ERMARD: variants seen among roughly 807,000 people sequenced by gnomAD.
ERMARD encodes the protein endoplasmic reticulum membrane-associated RNA degradation protein.
A neutral mutation model predicts 83.9 loss-of-function variants in ERMARD; 71 were observed. The ratio of observed to expected loss-of-function variants is 0.85; its 90% confidence interval spans 0.70 to 1.03. The LOEUF is 1.03. Ranked by LOEUF, ERMARD falls within the 50% of genes least tolerant of loss-of-function variation. The probability of loss-of-function intolerance (pLI) is 0.00; values close to 1 mark genes in which losing one functional copy is unlikely to be tolerated. For missense variants in ERMARD, 838 were observed against 810.9 expected (o/e 1.03, Z -0.41); for synonymous variants, 284 against 298.6 (o/e 0.95, Z 0.50).
intron 5 of ERMARD, among the ~76,000 whole-genome samples, 173 bp downstream of exon 5, chr6:169,756,981 G>A (rs1790895780): frequency 6.6e-6 from 1 of 152,196 alleles, no homozygotes; most frequent in Non-Finnish European, 1.5e-5. Context: ...CAGGGCGGCA[G>A]CAAGGGAAAA....
At position 169,769,651 on chromosome 6, in the gene ERMARD, C is replaced by G; in HGVS notation, c.1171C>G (p.Leu391Val). 1 of 1,612,768 alleles carries G rather than the reference C, an allele frequency of 6.2e-7. No homozygotes were observed. The highest frequency in any genetic ancestry group is 8.5e-7 in the Non-Finnish European group (1 of 1,179,428). The change falls in exon 12 of 18, where the codon CTT becomes GTT. Residue 391 changes from leucine to valine, a missense_variant. Coordinates refer to ENST00000366773, the MANE Select transcript of ERMARD (RefSeq NM_018341.3). ...EFSKETTNQL[L>V]AFSLVLLLRF... ...TTCAAAAGAAACAACTAATCAGTTG[C>G]TTGCATTTTCTCTTGTACTGCTACT...
intron 13 of ERMARD, among the ~76,000 whole-genome samples, chr6:169,774,391 C>G (rs148523287): frequency 2.6e-5 from 4 of 152,132 alleles, no homozygotes; most frequent in Admixed American, 6.5e-5. Flanking sequence ...GTGGGGATGC[C>G]GTGCTTTCCA....
In ERMARD at chr6:169,760,709, C is replaced by G; in HGVS notation, c.810C>G (p.Ile270Met). Reference protein sequence around the residue: ...VMMKSAFILKIMLPYWEVALV... With the variant: ...VMMKSAFILKMMLPYWEVALV... ...TGAAATCTGCTTTTATATTAAAAAT[C>G]ATGTTACCATATTGGGAAGTTGCAC... Residue 270 changes from isoleucine (I) to methionine (M), a missense_variant, in exon 8 of 18, where the codon ATC becomes ATG. Ile to Met is a conservative substitution (Grantham distance 10). Coordinates refer to ENST00000366773, the MANE Select transcript of ERMARD (RefSeq NM_018341.3). 6.2e-7 allele frequency: 1 copy of G among 1,613,848 alleles called. No homozygotes were observed. Among genetic ancestry groups the G allele is most frequent in the Middle Eastern group, 1.7e-4 (1 of 6,058 alleles).
intron 1 of ERMARD, chr6:169,751,935 A>C (rs1790160028): frequency 2.1e-6 from 1 of 482,254 alleles, no homozygotes; most frequent in African/African-American, 2.1e-5. Context: ...AACGCGGCGG[A>C]CGGTCAGGGA....
At chr6:169,751,983 G>T (rs1232758694) in intron 1 of ERMARD, 2 of 417,236 alleles carry the variant, frequency 4.8e-6, no homozygotes, top group Middle Eastern at 6.1e-4. Flanking sequence ...AAAGCCGCAG[G>T]TCGGGCTCTC....
intron 7 of ERMARD, 118 bp from the exon 8 acceptor site, chr6:169,760,524 G>C: frequency 1.5e-6 from 1 of 685,182 alleles, no homozygotes; most frequent in African/African-American, 1.8e-5. Flanking sequence ...CCCTGCTGCA[G>C]GGGTCACGGT....
At chr6:169,751,974 A>G (rs2128338616) in intron 1 of ERMARD, 2 of 424,078 alleles carry the variant, frequency 4.7e-6, no homozygotes, top group East Asian at 8.1e-5. Flanking sequence ...CGGGGGCGGA[A>G]AGCCGCAGGT....
chr6:169,766,232 C>A (rs1240125567), intron 9 of ERMARD, among the ~76,000 whole-genome samples: 1 of 152,186 alleles, frequency 6.6e-6, no homozygotes, highest in African/African-American at 2.4e-5. Context: ...TGAGAAGCAG[C>A]GTGCATGAAA....
chr6:169,780,922 G>A (rs1051779394), intron 17 of ERMARD, among the ~76,000 whole-genome samples: 6 of 152,092 alleles, frequency 3.9e-5, no homozygotes, highest in Non-Finnish European at 7.4e-5. Flanking sequence ...AATTTTTCAC[G>A]CTTGACTTGA....
intron 13 of ERMARD, among the ~76,000 whole-genome samples, chr6:169,774,933 A>C (rs1162049687): frequency 6.6e-6 from 1 of 152,222 alleles, no homozygotes; most frequent in African/African-American, 2.4e-5. Flanking sequence ...GCTGCACAGC[A>C]TCGTCACACC....
At chr6:169,754,431 T>C (rs1385182206) in intron 2 of ERMARD, among the ~76,000 whole-genome samples, 2 of 152,198 alleles carry the variant, frequency 1.3e-5, no homozygotes, top group Non-Finnish European at 2.9e-5. Context: ...AGCAGAGATA[T>C]AGGTGGGGAA....
At chr6:169,768,297 C>A in intron 11 of ERMARD, 126 bp downstream of exon 11, 1 of 795,426 alleles carries the variant, frequency 1.3e-6, no homozygotes, top group Non-Finnish European at 2.0e-6. Flanking sequence ...CATTGCTGTG[C>A]TGTCTCAGCT....
At chr6:169,752,031 A>C in intron 1 of ERMARD, 1 of 315,642 alleles carries the variant, frequency 3.2e-6, no homozygotes, top group Non-Finnish European at 5.7e-6. Flanking sequence ...GCAGTTTCCT[A>C]GTCGCTGCCT....
Position 169,759,874 on chromosome 6 carries a change from G to A in ERMARD, c.642G>A (p.Leu214=). The A allele has an allele frequency of 6.2e-7, 1 of 1,614,156 alleles. No homozygotes were observed. Among genetic ancestry groups the A allele is most frequent in the Non-Finnish European group, 8.5e-7 (1 of 1,180,034 alleles). Residue 214 remains leucine (L), a synonymous_variant, in exon 7 of 18, where the codon TTG becomes TTA. Transcript: ENST00000366773. ...TGATGATACTGTTGACGGCAGGATTGGGTCAGTTACTGAAGAGTTACCTTC... is the reference window on the plus strand; with the variant it reads ...TGATGATACTGTTGACGGCAGGATTAGGTCAGTTACTGAAGAGTTACCTTC... ...CSMMILLTAG[L]GQLLKSYLQN...
intron 1 of ERMARD, among the ~76,000 whole-genome samples, chr6:169,752,505 G>C (rs1427605130): frequency 6.6e-6 from 1 of 152,180 alleles, no homozygotes; most frequent in Non-Finnish European, 1.5e-5. Context: ...TCAACAAATA[G>C]TTGATGTAGA....
chr6:169,772,524 G>A (rs1349826656), intron 12 of ERMARD, among the ~76,000 whole-genome samples: 1 of 152,112 alleles, frequency 6.6e-6, no homozygotes, highest in African/African-American at 2.4e-5. Context: ...CCAGCACTTT[G>A]GGAGGCCGAG....
At chr6:169,760,092 G>A (rs1335254731) in intron 7 of ERMARD, 118 bp downstream of exon 7, 32 of 1,514,138 alleles carry the variant, frequency 2.1e-5, no homozygotes, top group South Asian at 4.0e-5. Flanking sequence ...TTCAGTAGTC[G>A]GATGGCTTTC....
chr6:169,755,385 G>C lies in ERMARD; in HGVS notation c.278G>C (p.Arg93Pro), dbSNP rs142642959. ...CTGACCAAGGGGCAATTTGAAATTCGATATGCACCGTGGTTCCAGTGGACA... is the reference window on the plus strand; with the variant it reads ...CTGACCAAGGGGCAATTTGAAATTCCATATGCACCGTGGTTCCAGTGGACA... ...LSLTKGQFEI[R>P]YAPWFQWTSF... The change falls in exon 3 of 18, where the codon CGA (arginine) becomes CCA (proline). Residue 93 changes from arginine (R) to proline (P), a missense_variant. Coordinates refer to ENST00000366773, the MANE Select transcript of ERMARD (RefSeq NM_018341.3). The C allele has an allele frequency of 6.2e-7, 1 of 1,614,136 alleles. No homozygotes were observed. The highest frequency in any genetic ancestry group is 8.5e-7 in the Non-Finnish European group (1 of 1,180,026).
rs981081881 is a variant in ERMARD, at chr6:169,760,038, A to G, written c.742+64A>G. The G allele has an allele frequency of 2.1e-5, 34 of 1,602,186 alleles. No homozygotes were observed. In the Admixed American group the frequency reaches 4.0e-4, roughly 19 times the overall value. On this transcript the variant is annotated intron_variant, in intron 7 of 17. Coordinates refer to ENST00000366773, the MANE Select transcript of ERMARD (RefSeq NM_018341.3). ...GTAGATATTTGCAAAGTCAGTAAACAGCATTAAGAGGTGCACTCTTGAGGT... is the reference window on the plus strand; with the variant it reads ...GTAGATATTTGCAAAGTCAGTAAACGGCATTAAGAGGTGCACTCTTGAGGT...
Sources: allele counts gnomAD v4.1 joint callset (sites outside exome capture counted in the v4.1 genomes callset), GRCh38; gene constraint gnomAD v4.1.1; transcripts MANE v1.5; gene names NCBI Gene and HGNC (gene_info 2026-07-23, HGNC 2026-07-21).